The following CTNNBL1 variants were observed in gnomAD, a reference collection of about 807,000 sequenced individuals.
CTNNBL1 encodes beta-catenin-like protein 1.
Under a neutral mutation model 72.7 loss-of-function variants are expected in CTNNBL1, and 31 were observed. The observed-to-expected ratio is 0.43, with a 90% CI of 0.32 to 0.58. The LOEUF (loss-of-function observed/expected upper bound fraction) is 0.58. Ranked by LOEUF, CTNNBL1 falls within the 20% of genes least tolerant of loss-of-function variation. CTNNBL1 has a pLI of 0.08. For missense variants in CTNNBL1, 534 were observed against 725.1 expected (o/e 0.74, Z 3.03); for synonymous variants, 240 against 267.3 (o/e 0.90, Z 1.00).
chr20:37,784,804 T>C (rs2073657728), intron 10 of CTNNBL1, among the ~76,000 whole-genome samples: 1 of 152,252 alleles, frequency 6.6e-6, no homozygotes, highest in African/African-American at 2.4e-5. Context: ...ATTCTGTGTT[T>C]TTCTGTGTAC....
At chr20:37,855,084 C>G (rs1193300306) in intron 13 of CTNNBL1, among the ~76,000 whole-genome samples, 2 of 142,236 alleles carry the variant, frequency 1.4e-5, no homozygotes, top group Middle Eastern at 3.6e-3. Flanking sequence ...TATGATCTAC[C>G]GAAAGCTGTG....
At chr20:37,695,674 T>C (rs1372769146) in intron 1 of CTNNBL1, among the ~76,000 whole-genome samples, 1 of 152,242 alleles carries the variant, frequency 6.6e-6, no homozygotes, top group Non-Finnish European at 1.5e-5. Flanking sequence ...TGGCAGTCTC[T>C]GTTTTGCTAC....
intron 1 of CTNNBL1, among the ~76,000 whole-genome samples, chr20:37,701,791 T>TG (rs1181606310): frequency 6.6e-6 from 1 of 151,902 alleles, no homozygotes; most frequent in African/African-American, 2.4e-5. Context: ...CAGCTGCAGA[T>TG]GTGTGGCGTA....
At chr20:37,712,709 C>A (rs1197429240) in intron 1 of CTNNBL1, among the ~76,000 whole-genome samples, 1 of 152,240 alleles carries the variant, frequency 6.6e-6, no homozygotes, top group Non-Finnish European at 1.5e-5. Context: ...TGCTGGATCT[C>A]CACTGGGAGT....
At chr20:37,850,995 A>C (rs1009814582) in intron 13 of CTNNBL1, among the ~76,000 whole-genome samples, 10 of 152,226 alleles carry the variant, frequency 6.6e-5, no homozygotes, top group Non-Finnish European at 1.3e-4. Flanking sequence ...TGACTGCTGA[A>C]AGAGATGGAG....
At chr20:37,736,873 C>A (rs1017117690) in intron 2 of CTNNBL1, among the ~76,000 whole-genome samples, 18 of 152,194 alleles carry the variant, frequency 1.2e-4, no homozygotes, top group African/African-American at 4.1e-4. Context: ...ATGTGATATA[C>A]CCGAAAAGAA....
Position 37,845,520 on chromosome 20 carries a change from A to G in CTNNBL1, c.1392+3101A>G, listed in dbSNP as rs577439613. On this transcript the variant is annotated intron_variant, in intron 13 of 15. Transcript: ENST00000361383. ...CATTCCAAGGCCATTAGTGCTCAGCAGCCTCAGTGTTACGCAGAGAGCCAG... is the reference window on the plus strand; with the variant it reads ...CATTCCAAGGCCATTAGTGCTCAGCGGCCTCAGTGTTACGCAGAGAGCCAG... 3.9e-5 allele frequency among the ~76,000 whole-genome samples: 6 copies of G among 152,312 alleles called. No homozygotes were observed. The East Asian group carries it at 1.2e-3, about 29-fold the overall frequency.
At chr20:37,791,207 GT>G (rs2073722295) in intron 10 of CTNNBL1, among the ~76,000 whole-genome samples, 1 of 152,224 alleles carries the variant, frequency 6.6e-6, no homozygotes, top group African/African-American at 2.4e-5. Context: ...TAATTCTGCA[GT>G]GAGCTTTCAT....
At chr20:37,817,153 C>T (rs977340922) in intron 11 of CTNNBL1, among the ~76,000 whole-genome samples, 1 of 152,132 alleles carries the variant, frequency 6.6e-6, no homozygotes, top group Non-Finnish European at 1.5e-5. Context: ...TCTGCTAGGG[C>T]CCCCCAAAGC....
At chr20:37,718,423 C>T (rs1252816036) in intron 1 of CTNNBL1, among the ~76,000 whole-genome samples, 2 of 141,492 alleles carry the variant, frequency 1.4e-5, no homozygotes, top group Non-Finnish European at 3.1e-5. Flanking sequence ...CTGACCCCCC[C>T]ACCTCCCTCC....
intron 13 of CTNNBL1, among the ~76,000 whole-genome samples, chr20:37,850,397 GTC>G: frequency 6.6e-6 from 1 of 152,126 alleles, no homozygotes. Flanking sequence ...GTGTGTGTGT[GTC>G]CATTTTCATG....
At chr20:37,696,654 G>A (rs986668172) in intron 1 of CTNNBL1, among the ~76,000 whole-genome samples, 1 of 151,434 alleles carries the variant, frequency 6.6e-6, no homozygotes, top group Non-Finnish European at 1.5e-5. Flanking sequence ...ATGTTGGTCA[G>A]GCTGGTCTTG....
chr20:37,796,382 G>T (rs966210931), intron 10 of CTNNBL1, among the ~76,000 whole-genome samples: 17 of 151,882 alleles, frequency 1.1e-4, no homozygotes, highest in African/African-American at 4.1e-4. Flanking sequence ...CAGGCAGTCA[G>T]TTGGGCTCAT....
At chr20:37,726,345 A>G (rs1191771655) in intron 1 of CTNNBL1, among the ~76,000 whole-genome samples, 3 of 152,212 alleles carry the variant, frequency 2.0e-5, no homozygotes, top group Non-Finnish European at 4.4e-5. Flanking sequence ...TTACTTATTT[A>G]CTAGTGACTT....
At chr20:37,745,777 G>A (rs766828579) in intron 3 of CTNNBL1, among the ~76,000 whole-genome samples, 1 of 152,156 alleles carries the variant, frequency 6.6e-6, no homozygotes, top group Non-Finnish European at 1.5e-5. Context: ...AGGCTTAATC[G>A]GCATTTCTTG....
At chr20:37,754,937 A>T (rs1347469552) in intron 4 of CTNNBL1, among the ~76,000 whole-genome samples, 1 of 151,968 alleles carries the variant, frequency 6.6e-6, no homozygotes, top group Non-Finnish European at 1.5e-5. Context: ...CCTCCTGAGT[A>T]GCTGGGATTA....
intron 2 of CTNNBL1, among the ~76,000 whole-genome samples, chr20:37,734,164 T>G (rs1424281184): frequency 1.3e-5 from 2 of 152,224 alleles, no homozygotes; most frequent in Non-Finnish European, 2.9e-5. Context: ...TGGCTGTGAA[T>G]CTGAGAAGAA....
chr20:37,803,609 C>T (rs1433440440), intron 11 of CTNNBL1, among the ~76,000 whole-genome samples: 1 of 152,214 alleles, frequency 6.6e-6, no homozygotes, highest in Non-Finnish European at 1.5e-5. Flanking sequence ...TAGTGGCCTG[C>T]TGCAGCCCTC....
rs549815902 is a variant in CTNNBL1 at position 37,698,262 on chromosome 20, T to A, written c.30+4110T>A. Among the ~76,000 whole-genome samples the A allele has an allele frequency of 1.1e-3, 163 of 152,328 alleles. 3 individuals are homozygous for A. The South Asian group carries it at 0.032, about 30-fold the overall frequency. On this transcript the variant is annotated intron_variant, in intron 1 of 15. Coordinates refer to ENST00000361383, the MANE Select transcript of CTNNBL1 (RefSeq NM_030877.5). ...CTAAGTCTGCTACTGGAGAGCACTTTGATCTCGCCAGCCTAGGGCGGGCAT... is the reference window on the plus strand; with the variant it reads ...CTAAGTCTGCTACTGGAGAGCACTTAGATCTCGCCAGCCTAGGGCGGGCAT...
Sources: gnomAD v4.1 joint callset for allele counts (sites outside exome capture counted in the v4.1 genomes callset) on GRCh38, gnomAD v4.1.1 for gene constraint, MANE v1.5 for transcripts, NCBI Gene and HGNC (gene_info 2026-07-23, HGNC 2026-07-21) for gene names.